SAMSN1: variants seen among roughly 807,000 people sequenced by gnomAD.
The protein encoded by SAMSN1 is SAM domain-containing protein SAMSN-1.
SAMSN1 carries 31 observed loss-of-function variants against 42.0 expected under a neutral mutation model. The ratio of observed to expected loss-of-function variants is 0.74; its 90% confidence interval spans 0.55 to 1.00. The LOEUF is 1.00. Ranked by LOEUF, SAMSN1 falls within the 50% of genes least tolerant of loss-of-function variation. The pLI, the probability that SAMSN1 is intolerant of heterozygous loss-of-function variation, is 0.00. For missense variants in SAMSN1, 464 were observed against 439.4 expected (o/e 1.06, Z -0.50); for synonymous variants, 178 against 151.9 (o/e 1.17, Z -1.26).
At chr21:14,521,582 C>A (rs779802920) in intron 1 of SAMSN1, among the ~76,000 whole-genome samples, 2 of 152,104 alleles carry the variant, frequency 1.3e-5, no homozygotes, top group Non-Finnish European at 2.9e-5. Flanking sequence ...AACTTAACAG[C>A]ATGTAGTACT....
At chr21:14,599,050 A>G (rs1461462428) in intron 6 of SAMSN1, among the ~76,000 whole-genome samples, 1 of 152,206 alleles carries the variant, frequency 6.6e-6, no homozygotes, top group Admixed American at 6.5e-5. Context: ...TTGGGTTTAT[A>G]AAGTCAAAAT....
chr21:14,569,984 T>TC (rs5842490), intron 2 of SAMSN1, among the ~76,000 whole-genome samples: 4,644 of 149,560 alleles, frequency 0.031, 156 homozygotes, highest in African/African-American at 0.09. Flanking sequence ...TTAACCACTT[T>TC]CCCCCCCCCC....
chr21:14,588,681 A>G (rs1981996076), intron 7 of SAMSN1, among the ~76,000 whole-genome samples: 1 of 152,186 alleles, frequency 6.6e-6, no homozygotes. Flanking sequence ...CCAAGTGCAC[A>G]TTCCATAACT....
At chr21:14,601,902 A>G in intron 6 of SAMSN1, 1 of 399,686 alleles carries the variant, frequency 2.5e-6, no homozygotes, top group Non-Finnish European at 4.7e-6. Flanking sequence ...GCAACCTATA[A>G]TAACTAAATA....
intron 2 of SAMSN1, among the ~76,000 whole-genome samples, chr21:14,557,279 T>G (rs568538953): frequency 6.6e-6 from 1 of 152,318 alleles, no homozygotes; most frequent in Non-Finnish European, 1.5e-5. Context: ...CCTCATTAAT[T>G]AAAAGGAGAA....
intron 2 of SAMSN1, among the ~76,000 whole-genome samples, chr21:14,625,182 G>C (rs1374269764): frequency 6.6e-6 from 1 of 151,996 alleles, no homozygotes; most frequent in Non-Finnish European, 1.5e-5. Flanking sequence ...TACTGAATGG[G>C]CAAAAACTGG....
chr21:14,600,491 A>T (rs1982400230), intron 6 of SAMSN1, among the ~76,000 whole-genome samples: 1 of 152,106 alleles, frequency 6.6e-6, no homozygotes, highest in Admixed American at 6.5e-5. Flanking sequence ...ATCTTTAGTG[A>T]TACACTACAT....
At chr21:14,585,750 A>G (rs912575002), upstream of SAMSN1, among the ~76,000 whole-genome samples, 1 of 152,218 alleles carries the variant, frequency 6.6e-6, no homozygotes, top group Admixed American at 6.5e-5. Context: ...TATGTACTGA[A>G]TGTAAATACA....
chr21:14,658,861 T>G, upstream of SAMSN1: 1 of 699,216 alleles, frequency 1.4e-6, no homozygotes, highest in Non-Finnish European at 2.7e-6. Flanking sequence ...GTTTGGCCAG[T>G]TCTCATGGGA....
intron 2 of SAMSN1, among the ~76,000 whole-genome samples, chr21:14,641,864 A>G (rs892066616): frequency 5.3e-5 from 8 of 152,200 alleles, no homozygotes; most frequent in Admixed American, 4.6e-4. Flanking sequence ...AAATTTTCAT[A>G]TAACTTTTGA....
At chr21:14,650,202 AT>A (rs2123394513) in intron 1 of SAMSN1, among the ~76,000 whole-genome samples, 1 of 152,310 alleles carries the variant, frequency 6.6e-6, no homozygotes, top group Non-Finnish European at 1.5e-5. Flanking sequence ...TCTAATAGAT[AT>A]TTACAGAACA....
chr21:14,658,703 T>C (rs982671360), intron 1 of SAMSN1: 2 of 713,896 alleles, frequency 2.8e-6, no homozygotes, highest in African/African-American at 3.5e-5. Flanking sequence ...TTTGACACAG[T>C]AAAATTAAAA....
intron 1 of SAMSN1, among the ~76,000 whole-genome samples, chr21:14,657,818 A>C (rs572812464): frequency 6.6e-5 from 10 of 151,922 alleles, no homozygotes; most frequent in South Asian, 4.2e-4. Context: ...ATTGCATTTT[A>C]TTTTTCAAGA....
chr21:14,645,515 T>C (rs1279679402), intron 1 of SAMSN1, among the ~76,000 whole-genome samples: 1 of 152,196 alleles, frequency 6.6e-6, no homozygotes, highest in Admixed American at 6.5e-5. Flanking sequence ...TCCTTTCAAA[T>C]ATCTGGAAAG....
chr21:14,633,691 G>T (rs1342991781), intron 2 of SAMSN1, among the ~76,000 whole-genome samples: 1 of 152,190 alleles, frequency 6.6e-6, no homozygotes, highest in Non-Finnish European at 1.5e-5. Flanking sequence ...AATGGGCAAT[G>T]GTTTTGTGCT....
At chr21:14,647,228 T>C (rs1274515797) in intron 1 of SAMSN1, among the ~76,000 whole-genome samples, 5 of 152,114 alleles carry the variant, frequency 3.3e-5, no homozygotes, top group African/African-American at 1.2e-4. Context: ...CCCAGCACCA[T>C]TTATTAAATA....
intron 1 of SAMSN1, chr21:14,582,564 A>G: frequency 3.3e-6 from 2 of 604,102 alleles, no homozygotes; most frequent in Non-Finnish European, 5.9e-6. Context: ...CATTTATATA[A>G]GAGAAATAAA....
chr21:14,635,840 A>G (rs1224050797), intron 2 of SAMSN1, among the ~76,000 whole-genome samples: 1 of 152,022 alleles, frequency 6.6e-6, no homozygotes, highest in African/African-American at 2.4e-5. Context: ...TATTATTATT[A>G]TTATACTTCA....
chr21:14,581,074 C>CA (rs930669335), intron 2 of SAMSN1, among the ~76,000 whole-genome samples: 2 of 150,366 alleles, frequency 1.3e-5, no homozygotes, highest in East Asian at 1.9e-4. Flanking sequence ...TATCCAAGCC[C>CA]AAAAAAAAAG....
Sources: gnomAD v4.1 joint callset for allele counts (sites outside exome capture counted in the v4.1 genomes callset) on GRCh38, gnomAD v4.1.1 for gene constraint, MANE v1.5 for transcripts, NCBI Gene and HGNC (gene_info 2026-07-23, HGNC 2026-07-21) for gene names.